Variants in BAALC observed in about 807,000 individuals in gnomAD.
BAALC encodes the protein brain and acute leukemia cytoplasmic protein.
In BAALC, 9 loss-of-function variants were observed where a neutral mutation model predicts 15.5. The ratio of observed to expected loss-of-function variants is 0.58; its 90% CI spans 0.35 to 1.02. The LOEUF is 1.02. Ranked by LOEUF, BAALC falls within the 50% of genes least tolerant of loss-of-function variation. The pLI, the probability that BAALC is intolerant of heterozygous loss-of-function variation, is 0.02. For missense variants in BAALC, 201 were observed against 192.4 expected, an observed-to-expected ratio of 1.04 and a Z score of -0.27; for synonymous variants, 80 against 74.6, an observed-to-expected ratio of 1.07 and a Z score of -0.37.
intron 1 of BAALC, among the ~76,000 whole-genome samples, chr8:103,207,202 C>T (rs1812349967): frequency 6.6e-6 from 1 of 152,116 alleles, no homozygotes; most frequent in African/African-American, 2.4e-5. Context: ...AACTTTCTTT[C>T]CACTCTTAGT....
intron 1 of BAALC, among the ~76,000 whole-genome samples, chr8:103,179,484 T>C (rs996129041): frequency 2.6e-5 from 4 of 152,254 alleles, no homozygotes; most frequent in Admixed American, 2.0e-4. Context: ...AGAAGCACAA[T>C]GTGCTCTATG....
chr8:103,145,826 A>C (rs1401600039), intron 1 of BAALC, among the ~76,000 whole-genome samples: 1 of 152,232 alleles, frequency 6.6e-6, no homozygotes, highest in Non-Finnish European at 1.5e-5. Context: ...TTTCCTTATG[A>C]ATCCTGAATT....
rs546379217 is a variant in BAALC, at chr8:103,182,425, C to T, written c.161-30494C>T. Among the ~76,000 whole-genome samples the T allele has an allele frequency of 5.3e-5, 8 of 152,310 alleles. No homozygotes were observed. In the South Asian group the frequency reaches 1.2e-3, roughly 24 times the overall value. ...GAAAGACGTAACATGTGGTTATATA[C>T]GGAACACCTGGGCTTTTAAGAGAAC... On this transcript the variant is annotated intron_variant, in intron 1 of 2. Coordinates refer to ENST00000309982, the MANE Select transcript of BAALC (RefSeq NM_024812.3).
chr8:103,147,289 C>T (rs989891139), intron 1 of BAALC, among the ~76,000 whole-genome samples: 3 of 152,156 alleles, frequency 2.0e-5, no homozygotes, highest in Non-Finnish European at 4.4e-5. Flanking sequence ...TAAGTGCATT[C>T]CAGAATTTCC....
intron 1 of BAALC, among the ~76,000 whole-genome samples, chr8:103,148,295 C>T (rs912688291): frequency 2.0e-5 from 3 of 152,200 alleles, no homozygotes; most frequent in Non-Finnish European, 4.4e-5. Context: ...GGAAAGTCCA[C>T]TGAAAACCAC....
intron 1 of BAALC, among the ~76,000 whole-genome samples, chr8:103,164,202 G>A (rs1432937356): frequency 6.6e-6 from 1 of 152,156 alleles, no homozygotes; most frequent in Non-Finnish European, 1.5e-5. Context: ...GTAGTGCAAA[G>A]GCCCTGAGAC....
intron 1 of BAALC, among the ~76,000 whole-genome samples, chr8:103,205,867 C>T (rs1812315944): frequency 6.6e-6 from 1 of 152,202 alleles, no homozygotes; most frequent in African/African-American, 2.4e-5. Context: ...GGGTAATTCT[C>T]CTGTCTCCCC....
chr8:103,193,534 C>T (rs570751878), intron 1 of BAALC, among the ~76,000 whole-genome samples: 2 of 152,294 alleles, frequency 1.3e-5, no homozygotes, highest in African/African-American at 4.8e-5. Flanking sequence ...TAGCCCTGAC[C>T]GTGTGTCAGC....
At chr8:103,172,176 C>T (rs1811511835) in intron 1 of BAALC, 1 of 139,044 alleles carries the variant, frequency 7.2e-6, no homozygotes, top group Admixed American at 7.1e-5. Flanking sequence ...AAATTGGAAC[C>T]TTGGGTCCTT....
At chr8:103,225,351 G>A (rs1173264719) in intron 2 of BAALC, among the ~76,000 whole-genome samples, 2 of 152,212 alleles carry the variant, frequency 1.3e-5, no homozygotes, top group South Asian at 2.1e-4. Context: ...CTAAAATTAT[G>A]TAGAGTCAAA....
chr8:103,184,072 T>C (rs1025611972), intron 1 of BAALC, among the ~76,000 whole-genome samples: 2 of 152,230 alleles, frequency 1.3e-5, no homozygotes, highest in African/African-American at 4.8e-5. Context: ...CCTTTGTTCA[T>C]GGCCCTTCCT....
intron 1 of BAALC, among the ~76,000 whole-genome samples, chr8:103,150,333 C>CTGTGTGTG (rs34233321): frequency 0.043 from 6,489 of 149,198 alleles, 195 homozygotes; most frequent in Non-Finnish European, 0.066. Context: ...AGAAACATGG[C>CTGTGTGTG]TGTGTGTGTG....
intron 1 of BAALC, among the ~76,000 whole-genome samples, chr8:103,185,721 T>C (rs911635285): frequency 1.3e-5 from 2 of 152,210 alleles, no homozygotes; most frequent in Non-Finnish European, 2.9e-5. Context: ...CTGTGTTTCT[T>C]TCCTCCCCAA....
In BAALC at chr8:103,229,108, A is replaced by G. The variant is rs568634620; in HGVS notation, c.*1009A>G. 1 of 152,342 alleles carries G rather than the reference A, an allele frequency of 6.6e-6. No individual in the cohort carries two copies. Among genetic ancestry groups the G allele is most frequent in the East Asian group, 1.9e-4 (1 of 5,190 alleles). The allele number at this position is 152,342 out of a possible 1,614,324, so 9.4% of individuals were successfully genotyped here. ...ACTTTAGAAAGCCAGCACCTGGTTG[A>G]TGTGTATTCATACTGACATTAGATT... On this transcript the variant is annotated 3_prime_UTR_variant, in exon 3 of 3. Transcript: ENST00000309982.
chr8:103,140,867 C>T lies in BAALC; in HGVS notation c.-31C>T, dbSNP rs1304480752. Reference sequence around the variant, plus strand: ...GCCGCCGCCAGAGCCGACAGCCGAGCAGCCGCTGGGCGCTCCCGCGGCGCA... The same window carrying T: ...GCCGCCGCCAGAGCCGACAGCCGAGTAGCCGCTGGGCGCTCCCGCGGCGCA... On this transcript the variant is annotated 5_prime_UTR_variant, in exon 1 of 3. Coordinates refer to ENST00000309982, the MANE Select transcript of BAALC (RefSeq NM_024812.3). This position sits in a 1 kb window ranked among gnomAD's most constrained non-coding sequence, Gnocchi z 4.2. The T allele has an allele frequency of 3.4e-6, 5 of 1,469,568 alleles. No homozygotes were observed. Among genetic ancestry groups the T allele is most frequent in the Non-Finnish European group, 4.5e-6 (5 of 1,110,272 alleles). The allele number at this position is 1,469,568 out of a possible 1,614,324, so 91.0% of individuals were successfully genotyped here.
chr8:103,222,223 TA>T (rs767339365), intron 2 of BAALC, among the ~76,000 whole-genome samples: 7 of 152,102 alleles, frequency 4.6e-5, no homozygotes, highest in Non-Finnish European at 1.0e-4. Context: ...TACAGACTTA[TA>T]GGGGTGGCTG....
In BAALC at chr8:103,140,971, C is replaced by A; in HGVS notation, c.74C>A (p.Ser25Tyr). The A allele has an allele frequency of 1.9e-6, 3 of 1,541,542 alleles. No individual in the cohort carries two copies. The highest frequency in any genetic ancestry group is 2.6e-6 in the Non-Finnish European group (3 of 1,145,174). ...GAGAGCTGGACCCGGGAGACAGAAT[C>A]CACCTGGCTCACCTACACCGACTCG... ...YYESWTRETESTWLTYTDSDA... is the reference protein window; with the variant it reads ...YYESWTRETEYTWLTYTDSDA... The change falls in exon 1 of 3, where the codon TCC (serine) becomes TAC (tyrosine). Residue 25 changes from serine (S) to tyrosine (Y), a missense_variant. Transcript: ENST00000309982. This position sits in a 1 kb window ranked among gnomAD's most constrained non-coding sequence, Gnocchi z 4.2.
At chr8:103,211,081 G>A (rs563268576) in intron 1 of BAALC, among the ~76,000 whole-genome samples, 1 of 152,098 alleles carries the variant, frequency 6.6e-6, no homozygotes, top group South Asian at 2.1e-4. Context: ...CTTCACTAAG[G>A]TCTGTCTTAG....
chr8:103,176,398 G>T (rs551382074), intron 1 of BAALC, among the ~76,000 whole-genome samples: 1 of 152,026 alleles, frequency 6.6e-6, no homozygotes, highest in Non-Finnish European at 1.5e-5. Context: ...AAGCCTAGGT[G>T]CAGGGTAATA....
Sources: allele counts gnomAD v4.1 joint callset (sites outside exome capture counted in the v4.1 genomes callset), GRCh38; gene constraint gnomAD v4.1.1; non-coding constraint Gnocchi (gnomAD v3.1); transcripts MANE v1.5; gene names NCBI Gene and HGNC (gene_info 2026-07-23, HGNC 2026-07-21).